The following SCYL2 variants were observed in gnomAD, a reference collection of about 807,000 sequenced individuals.
The protein encoded by SCYL2 is SCY1-like protein 2.
Under a neutral mutation model 100.4 loss-of-function variants are expected in SCYL2, and 36 were observed. That is an observed-to-expected ratio of 0.36 (90% CI 0.27 to 0.47). The LOEUF (loss-of-function observed/expected upper bound fraction) is 0.47, where lower values mean the gene tolerates loss of function less well. Among genes scored for constraint, SCYL2 ranks in the 20% least tolerant of loss-of-function variants. SCYL2 has a pLI of 1.00. For missense variants in SCYL2, 902 were observed against 1,083.9 expected (o/e 0.83, Z 2.36); for synonymous variants, 330 against 359.2 (o/e 0.92, Z 0.92).
rs562746518 is a variant in SCYL2 at position 100,275,305 on chromosome 12, G to A, written c.-29+7513G>A. Among the ~76,000 whole-genome samples, 27 of 151,902 alleles carry A rather than the reference G, an allele frequency of 1.8e-4. No homozygotes were observed. In the South Asian group the frequency reaches 3.7e-3, roughly 21 times the overall value. ...CGTCCTCAACCTCCCAGGTTCAAGT[G>A]ATCCTTCCACCTCAGCCTACTGAGT... is the stretch of plus-strand genomic sequence containing the variant. On this transcript the variant is annotated intron_variant, in intron 1 of 17. Coordinates refer to ENST00000360820, the MANE Select transcript of SCYL2 (RefSeq NM_017988.6).
At chr12:100,320,205 C>A (rs2096354023) in intron 10 of SCYL2, among the ~76,000 whole-genome samples, 2 of 152,118 alleles carry the variant, frequency 1.3e-5, no homozygotes, top group African/African-American at 2.4e-5. Flanking sequence ...TTGTGTTTTG[C>A]AATCTCCTGT....
chr12:100,270,402 A>G (rs2096286349), intron 1 of SCYL2, among the ~76,000 whole-genome samples: 1 of 152,128 alleles, frequency 6.6e-6, no homozygotes, highest in East Asian at 1.9e-4. Flanking sequence ...GAAGGCCTGA[A>G]TAGTGAGAAA....
At chr12:100,317,500 TTTTCACCCTGTAGC>T (rs2096350345) in intron 9 of SCYL2, among the ~76,000 whole-genome samples, 1 of 152,174 alleles carries the variant, frequency 6.6e-6, no homozygotes, top group South Asian at 2.1e-4. Context: ...TTACTGGCTT[TTTTCACCCTGTAGC>T]TTTCCAGATA....
At chr12:100,302,757 T>C (rs945591875) in intron 4 of SCYL2, among the ~76,000 whole-genome samples, 3 of 152,184 alleles carry the variant, frequency 2.0e-5, no homozygotes, top group African/African-American at 7.2e-5. Flanking sequence ...AGAAGTATCT[T>C]TGTGGTGTTC....
Position 100,339,452 on chromosome 12 carries a change from T to C in SCYL2, c.*280T>C. ...AAGAGAAAAAGGAAACTGAGTTATC[T>C]TGAATAACATAACTTTTTAATCAAA... On this transcript the variant is annotated 3_prime_UTR_variant, in exon 18 of 18. Transcript: ENST00000360820. 1 of 378,356 alleles carries C rather than the reference T, an allele frequency of 2.6e-6. No homozygotes were observed. Among genetic ancestry groups the C allele is most frequent in the South Asian group, 4.2e-5 (1 of 23,966 alleles). The allele number at this position is 378,356 out of a possible 1,614,324, so 23.4% of individuals were successfully genotyped here.
chr12:100,318,007 T>A, intron 10 of SCYL2, 82 bp downstream of exon 10: 1 of 1,339,432 alleles, frequency 7.5e-7, no homozygotes, highest in Non-Finnish European at 1.0e-6. Flanking sequence ...ATTTTGGATT[T>A]AAGTCATAAA....
At chr12:100,270,724 C>T (rs1447903529) in intron 1 of SCYL2, among the ~76,000 whole-genome samples, 1 of 151,558 alleles carries the variant, frequency 6.6e-6, no homozygotes, top group Non-Finnish European at 1.5e-5. Flanking sequence ...ATCCTCCTGC[C>T]TTGGCCTCCC....
At chr12:100,299,765 C>G (rs904979402) in intron 4 of SCYL2, among the ~76,000 whole-genome samples, 1 of 151,262 alleles carries the variant, frequency 6.6e-6, no homozygotes, top group African/African-American at 2.4e-5. Flanking sequence ...TTTGCCTGTT[C>G]ATAATATTTG....
chr12:100,289,911 A>G (rs1220501601), intron 2 of SCYL2, among the ~76,000 whole-genome samples: 2 of 152,146 alleles, frequency 1.3e-5, no homozygotes, highest in Non-Finnish European at 2.9e-5. Flanking sequence ...CTGTCTTTCA[A>G]AGTTGATTCT....
rs770623409 is a variant in SCYL2, at chr12:100,291,579, C to G, written c.254C>G (p.Ser85Cys). ...QKFEKDQIID[S>C]LKRGVQQLTR... ...TTTGAAAAGGATCAAATCATTGATTCTCTAAAACGAGGAGTCCAACAGTTA... is the reference window on the plus strand; with the variant it reads ...TTTGAAAAGGATCAAATCATTGATTGTCTAAAACGAGGAGTCCAACAGTTA... The change falls in exon 3 of 18, where the codon TCT becomes TGT. Residue 85 changes from serine to cysteine, a missense_variant. By Grantham distance (112) the Ser-to-Cys change is moderately radical (BLOSUM62 -1). Coordinates refer to ENST00000360820, the MANE Select transcript of SCYL2 (RefSeq NM_017988.6). 5 of 1,598,760 alleles carry G rather than the reference C, an allele frequency of 3.1e-6. No individual in the cohort carries two copies. The South Asian group carries it at 5.8e-5, about 19-fold the overall frequency.
chr12:100,306,860 A>G (rs1027279789), intron 4 of SCYL2, among the ~76,000 whole-genome samples: 1 of 152,218 alleles, frequency 6.6e-6, no homozygotes, highest in East Asian at 1.9e-4. Flanking sequence ...ACAGACAAAC[A>G]GAGAGCCAAA....
At chr12:100,283,251 G>C in intron 2 of SCYL2, 104 bp downstream of exon 2, 1 of 956,888 alleles carries the variant, frequency 1.0e-6, no homozygotes, top group East Asian at 2.6e-5. Flanking sequence ...TTCTTTAATA[G>C]GTTCTTAAAT....
At chr12:100,328,441 A>T (rs1235149512) in intron 12 of SCYL2, among the ~76,000 whole-genome samples, 1 of 152,216 alleles carries the variant, frequency 6.6e-6, no homozygotes, top group African/African-American at 2.4e-5. Context: ...ACTGAAACAA[A>T]GGGAAAGTAA....
chr12:100,294,305 G>T, intron 3 of SCYL2, among the ~76,000 whole-genome samples: 1 of 118,870 alleles, frequency 8.4e-6, no homozygotes, highest in African/African-American at 3.2e-5. Flanking sequence ...GGGCAGAGGG[G>T]CTCCTCACTT....
rs1412274874 is a variant in SCYL2 at position 100,317,769 on chromosome 12, A to G, written c.1273-34A>G. ...ATATATTGAATCTTTTAAAGATTCC[A>G]GGTTTTAATACATTGTTTCCGTTTT... On this transcript the variant is annotated intron_variant, in intron 9 of 17. Transcript: ENST00000360820. The G allele has an allele frequency of 3.2e-6, 5 of 1,566,154 alleles. No homozygotes were observed. In the South Asian group the frequency reaches 6.0e-5, roughly 19 times the overall value.
At chr12:100,289,104 T>C (rs1315223241) in intron 2 of SCYL2, among the ~76,000 whole-genome samples, 1 of 152,096 alleles carries the variant, frequency 6.6e-6, no homozygotes, top group East Asian at 1.9e-4. Context: ...GAACTTGAAG[T>C]TTTAGGTCAT....
In SCYL2 at chr12:100,338,571, T is replaced by C. The variant is rs564777459; in HGVS notation, c.2189T>C (p.Leu730Ser). The change falls in exon 18 of 18, where the codon TTG (leucine) becomes TCG (serine). Residue 730 changes from leucine (L) to serine (S), a missense_variant. Coordinates refer to ENST00000360820, the MANE Select transcript of SCYL2 (RefSeq NM_017988.6). ...TDTLMDNMSS[L>S]TSLSVSTPKS... ...ACACTGATGGATAATATGTCATCCT[T>C]GACCAGCCTTTCTGTTAGTACCCCT... 8 of 1,613,408 alleles carry C rather than the reference T, an allele frequency of 5.0e-6. No homozygotes were observed. In the African/African-American group the frequency reaches 8.0e-5, roughly 16 times the overall value.
chr12:100,310,844 AT>A (rs1566360495), intron 4 of SCYL2, among the ~76,000 whole-genome samples, 199 bp from the exon 5 acceptor site: 1 of 152,132 alleles, frequency 6.6e-6, no homozygotes. Context: ...TTATAACTAG[AT>A]TTTTCTCACT....
intron 3 of SCYL2, among the ~76,000 whole-genome samples, chr12:100,294,388 C>CCCCCAGGCTGACT (rs2096314987): frequency 2.9e-5 from 3 of 102,328 alleles, no homozygotes; most frequent in Non-Finnish European, 6.2e-5. Context: ...GGGGGCTGAC[C>CCCCCAGGCTGACT]CCCCCACCTC....
Sources: allele counts gnomAD v4.1 joint callset (sites outside exome capture counted in the v4.1 genomes callset), GRCh38; gene constraint gnomAD v4.1.1; transcripts MANE v1.5; gene names NCBI Gene and HGNC (gene_info 2026-07-23, HGNC 2026-07-21).